Variants in PCDHGB5 observed in about 807,000 individuals in gnomAD.
PCDHGB5 encodes the protein protocadherin gamma subfamily B, 5, also known as protocadherin gamma-B5.
In PCDHGB5, 48 loss-of-function variants were observed where a neutral mutation model predicts 62.9. The ratio of observed to expected loss-of-function variants is 0.76; its 90% confidence interval spans 0.61 to 0.97. The LOEUF (loss-of-function observed/expected upper bound fraction) is 0.97, where lower values mean the gene tolerates loss of function less well. Ranked by LOEUF, PCDHGB5 falls within the 50% of genes least tolerant of loss-of-function variation. The probability of loss-of-function intolerance (pLI) is 0.00; values close to 1 mark genes in which losing one functional copy is unlikely to be tolerated. For missense variants in PCDHGB5, 1,118 were observed against 1,198.6 expected, an observed-to-expected ratio of 0.93 and a Z score of 0.99; for synonymous variants, 474 against 511.2, an observed-to-expected ratio of 0.93 and a Z score of 0.98.
At position 141,476,311 on chromosome 5, in the gene PCDHGB5, G is replaced by C. The variant is rs772962568; in HGVS notation, c.2398-18496G>C. ...ATCTCGGTAGCCTCTCAGCCCGCAGGTTCCGGGTGGTGTCTGGAGCTAGCC... is the reference window on the plus strand; with the variant it reads ...ATCTCGGTAGCCTCTCAGCCCGCAGCTTCCGGGTGGTGTCTGGAGCTAGCC... On this transcript the variant is annotated intron_variant, in intron 1 of 3. Transcript: ENST00000617380. The surrounding 1 kb of genome is among the most constrained non-coding windows in gnomAD (Gnocchi z 7.6). 18 of 1,613,680 alleles carry C rather than the reference G, an allele frequency of 1.1e-5. No homozygotes were observed. Among genetic ancestry groups the C allele is most frequent in the African/African-American group, 2.7e-5 (2 of 74,766 alleles).
At chr5:141,419,547 T>C (rs2096397603) in intron 1 of PCDHGB5, 6 of 1,612,070 alleles carry the variant, frequency 3.7e-6, no homozygotes, top group Non-Finnish European at 5.1e-6. Context: ...CCGCGGGTGC[T>C]GTACCCTGCG....
In PCDHGB5 at chr5:141,487,120, T is replaced by C. The variant is rs1342042604; in HGVS notation, c.2398-7687T>C. 1.9e-6 allele frequency: 3 copies of C among 1,613,948 alleles called. No homozygotes were observed. Among genetic ancestry groups the C allele is most frequent in the Admixed American group, 1.7e-5 (1 of 60,028 alleles). ...AGAAGCTGGTCATTGTGGTAAAGGA[T>C]AGTGGTAGTCCACCACTCTCTACCT... On this transcript the variant is annotated intron_variant, in intron 1 of 3. Coordinates refer to ENST00000617380, the MANE Select transcript of PCDHGB5 (RefSeq NM_018925.3). The surrounding 1 kb of genome is among the most constrained non-coding windows in gnomAD (Gnocchi z 5.0).
At chr5:141,423,398 G>T in intron 1 of PCDHGB5, 7 of 1,614,172 alleles carry the variant, frequency 4.3e-6, no homozygotes, top group Non-Finnish European at 5.9e-6. Flanking sequence ...CATAAGTCAC[G>T]CCTGCTGCAG....
Position 141,485,298 on chromosome 5 carries a change from G to A in PCDHGB5, c.2398-9509G>A, listed in dbSNP as rs1562104502. 1 of 1,613,978 alleles carries A rather than the reference G, an allele frequency of 6.2e-7. No individual in the cohort carries two copies. On this transcript the variant is annotated intron_variant, in intron 1 of 3. Coordinates refer to ENST00000617380, the MANE Select transcript of PCDHGB5 (RefSeq NM_018925.3). This position sits in a 1 kb window ranked among gnomAD's most constrained non-coding sequence, Gnocchi z 5.7. ...CCGGTCCCAGAGGAGTCACAGGAAG[G>A]GACTTTTGTAGGGAATGTCGCTCAA...
chr5:141,410,629 C>A (rs1393614526), intron 1 of PCDHGB5: 1 of 1,601,482 alleles, frequency 6.2e-7, no homozygotes, highest in East Asian at 2.2e-5. Context: ...CGGTGAGTTT[C>A]TCTTTTTTGT....
Position 141,428,104 on chromosome 5 carries a change from T to C in PCDHGB5, c.2397+27580T>C, listed in dbSNP as rs751953406. ...AACGCTTGGCTGTCCTACCACGTGCTGCAGGCCATCGAGCCCGGGCTTTTC... is the reference window on the plus strand; with the variant it reads ...AACGCTTGGCTGTCCTACCACGTGCCGCAGGCCATCGAGCCCGGGCTTTTC... On this transcript the variant is annotated intron_variant, in intron 1 of 3. Coordinates refer to ENST00000617380, the MANE Select transcript of PCDHGB5 (RefSeq NM_018925.3). The C allele has an allele frequency of 1.9e-6, 3 of 1,608,398 alleles. No individual in the cohort carries two copies. The South Asian group carries it at 3.3e-5, about 18-fold the overall frequency.
chr5:141,479,806 G>A (rs1188862048), intron 1 of PCDHGB5, among the ~76,000 whole-genome samples: 1 of 152,182 alleles, frequency 6.6e-6, no homozygotes, highest in Non-Finnish European at 1.5e-5. Context: ...AGGGTGGTAT[G>A]CAAGGATACT....
In PCDHGB5 at chr5:141,399,237, AGATTCTG is replaced by A; in HGVS notation, c.1112_1118del (p.Asp371GlyfsTer29). On this transcript the variant is annotated frameshift_variant, in exon 1 of 4. Transcript: ENST00000617380. LOFTEE classifies it high-confidence loss of function. ...TTGCTTTGATCAAAATACATGACCA[AGATTCTG>A]GGGAAAATGGGGAGGTTAATTGTCA... 6.2e-7 allele frequency: 1 copy of A among 1,614,002 alleles called. No homozygotes were observed. The highest frequency in any genetic ancestry group is 1.1e-5 in the South Asian group (1 of 91,076).
chr5:141,432,173 G>C lies in PCDHGB5; in HGVS notation c.2397+31649G>C, dbSNP rs771177256. On this transcript the variant is annotated intron_variant, in intron 1 of 3. Transcript: ENST00000617380. This position sits in a 1 kb window ranked among gnomAD's most constrained non-coding sequence, Gnocchi z 6.0. ...GAACAATCCCAGAGGAGTTTCCCTC[G>C]TCTCTGTGACCGCCCACGACCCCGA... The C allele has an allele frequency of 3.1e-6, 5 of 1,614,054 alleles. No homozygotes were observed. Among genetic ancestry groups the C allele is most frequent in the South Asian group, 1.1e-5 (1 of 91,054 alleles).
At chr5:141,472,408 G>T (rs780468341) in intron 1 of PCDHGB5, among the ~76,000 whole-genome samples, 1 of 152,064 alleles carries the variant, frequency 6.6e-6, no homozygotes, top group Non-Finnish European at 1.5e-5. Flanking sequence ...AGGCGTGGTG[G>T]CACGCACCTG....
rs1245526846 is a variant in PCDHGB5, at chr5:141,512,505, C to T, written c.*1332C>T. ...GCCACTGCCCAGGTCCCCAGTGCGCCCCCTAGTGGCCATAGCCTGGTTAAA... is the reference window on the plus strand; with the variant it reads ...GCCACTGCCCAGGTCCCCAGTGCGCTCCCTAGTGGCCATAGCCTGGTTAAA... On this transcript the variant is annotated 3_prime_UTR_variant, in exon 4 of 4. Transcript: ENST00000617380. The T allele has an allele frequency of 1.3e-5, 2 of 152,888 alleles. No individual in the cohort carries two copies. The highest frequency in any genetic ancestry group is 4.8e-5 in the African/African-American group (2 of 41,466). 9.5% of individuals were successfully genotyped at this position (152,888 alleles called of 1,614,324 possible). A position where few individuals can be genotyped will look rare whatever the true frequency, so the allele number is the denominator to read the frequency against.
intron 1 of PCDHGB5, chr5:141,415,086 G>C: frequency 5.6e-6 from 9 of 1,613,554 alleles, no homozygotes; most frequent in Non-Finnish European, 6.8e-6. Context: ...GAGCCCTGCT[G>C]GACAGAGACG....
chr5:141,485,357 C>T lies in PCDHGB5; in HGVS notation c.2398-9450C>T. ...GCTGGATACGGACAGTCTGTCAGCT[C>T]GCAGGCTGCAGGTCGCTGGAGAGGT... On this transcript the variant is annotated intron_variant, in intron 1 of 3. Transcript: ENST00000617380. The surrounding 1 kb of genome is among the most constrained non-coding windows in gnomAD (Gnocchi z 5.7). 1.2e-6 allele frequency: 2 copies of T among 1,614,084 alleles called. No individual in the cohort carries two copies. The highest frequency in any genetic ancestry group is 1.1e-5 in the South Asian group (1 of 91,070).
chr5:141,419,206 G>T, intron 1 of PCDHGB5: 1 of 1,613,876 alleles, frequency 6.2e-7, no homozygotes, highest in Non-Finnish European at 8.5e-7. Flanking sequence ...ATGACAACGC[G>T]CCGGTTTTCG....
intron 1 of PCDHGB5, among the ~76,000 whole-genome samples, chr5:141,444,786 T>C (rs1252217349): frequency 6.6e-6 from 1 of 152,226 alleles, no homozygotes; most frequent in Non-Finnish European, 1.5e-5. Context: ...CATGTTTCAT[T>C]TGTCTATTCT....
Position 141,485,746 on chromosome 5 carries a change from C to T in PCDHGB5, c.2398-9061C>T, listed in dbSNP as rs1297635523. ...AGAAGCGCAGCGACGGCAGCCTGGT[C>T]CCAGAGCTGCTCCTGGAGAAGCCTT... On this transcript the variant is annotated intron_variant, in intron 1 of 3. Coordinates refer to ENST00000617380, the MANE Select transcript of PCDHGB5 (RefSeq NM_018925.3). The surrounding 1 kb of genome is among the most constrained non-coding windows in gnomAD (Gnocchi z 5.7). 6.2e-7 allele frequency: 1 copy of T among 1,614,128 alleles called. No individual in the cohort carries two copies. The highest frequency in any genetic ancestry group is 2.2e-5 in the East Asian group (1 of 44,880).
At chr5:141,414,502 A>G in intron 1 of PCDHGB5, 1 of 1,613,944 alleles carries the variant, frequency 6.2e-7, no homozygotes, top group South Asian at 1.1e-5. Flanking sequence ...AGCTCACTTT[A>G]TGCTACAAGT....
intron 1 of PCDHGB5, among the ~76,000 whole-genome samples, chr5:141,473,195 C>T (rs1053769499): frequency 6.6e-6 from 1 of 152,104 alleles, no homozygotes; most frequent in African/African-American, 2.4e-5. Flanking sequence ...GTAAATGTAT[C>T]TTCTAAAAAA....
chr5:141,470,123 C>T (rs368463710), intron 1 of PCDHGB5, among the ~76,000 whole-genome samples: 11 of 151,234 alleles, frequency 7.3e-5, no homozygotes, highest in Admixed American at 3.3e-4. Flanking sequence ...AGCAAGACTT[C>T]GTCTCAAAAA....
Sources: allele counts gnomAD v4.1 joint callset (sites outside exome capture counted in the v4.1 genomes callset), GRCh38; gene constraint gnomAD v4.1.1; non-coding constraint Gnocchi (gnomAD v3.1); transcripts MANE v1.5; gene names NCBI Gene and HGNC (gene_info 2026-07-23, HGNC 2026-07-21).